The following RANBP2 variants were observed in gnomAD, a reference collection of about 807,000 sequenced individuals.
RANBP2 encodes RAN binding protein 2.
RANBP2 carries 57 observed loss-of-function variants against 303.6 expected under a neutral mutation model. The observed-to-expected ratio is 0.19, with a 90% confidence interval of 0.15 to 0.23. RANBP2 has a LOEUF of 0.23. Ranked by LOEUF, RANBP2 falls within the 10% of genes least tolerant of loss-of-function variation. The pLI is 1.00. For synonymous variants in RANBP2, 1,167 were observed against 1,301.5 expected (o/e 0.90, Z 2.23); for missense variants, 3,138 against 3,780.8 (o/e 0.83, Z 4.46).
chr2:108,770,842 C>T (rs1335810773), intron 20 of RANBP2, among the ~76,000 whole-genome samples: 1 of 152,092 alleles, frequency 6.6e-6, no homozygotes, highest in Non-Finnish European at 1.5e-5. Flanking sequence ...TTTACACTTA[C>T]TGTTAGCACG....
the RANBP2 span, among the ~76,000 whole-genome samples, chr2:109,410,799 G>A: frequency 2.0e-5 from 3 of 152,354 alleles, no homozygotes; most frequent in Admixed American, 1.3e-4. Context: ...GGGCTGCTAG[G>A]CGCGACTTCG....
At chr2:109,496,981 A>G in the RANBP2 span, among the ~76,000 whole-genome samples, 1 of 152,182 alleles carries the variant, frequency 6.6e-6, no homozygotes, top group African/African-American at 2.4e-5. Context: ...CAGAGAAGGG[A>G]TGAAGGCAGC....
At chr2:109,532,665 G>A in the RANBP2 span, among the ~76,000 whole-genome samples, 3 of 152,004 alleles carry the variant, frequency 2.0e-5, no homozygotes, top group African/African-American at 4.8e-5. Context: ...CAAAGGCCTC[G>A]GGAGAGAGAG....
the RANBP2 span, among the ~76,000 whole-genome samples, chr2:109,287,374 A>G: frequency 1.1e-4 from 17 of 152,152 alleles, no homozygotes; most frequent in South Asian, 2.1e-4. Context: ...AACCACAGCT[A>G]TAAATAAATT....
the RANBP2 span, among the ~76,000 whole-genome samples, chr2:108,839,971 C>T: frequency 6.6e-6 from 1 of 151,906 alleles, no homozygotes; most frequent in African/African-American, 2.4e-5. Context: ...ATTCATTCTG[C>T]CATTACTAAG....
At chr2:109,457,027 G>A in the RANBP2 span, among the ~76,000 whole-genome samples, 1 of 152,188 alleles carries the variant, frequency 6.6e-6, no homozygotes, top group Admixed American at 6.5e-5. Flanking sequence ...GCTGCCTAGT[G>A]TGAATCAATC....
At chr2:108,916,082 TG>T in the RANBP2 span, among the ~76,000 whole-genome samples, 11 of 152,174 alleles carry the variant, frequency 7.2e-5, no homozygotes, top group East Asian at 2.1e-3. Flanking sequence ...TTCTGTTTGC[TG>T]GGGGGTAGCC....
chr2:109,214,190 C>G, the RANBP2 span, among the ~76,000 whole-genome samples: 2 of 152,096 alleles, frequency 1.3e-5, no homozygotes, highest in Non-Finnish European at 2.9e-5. Flanking sequence ...AAGACGCAGA[C>G]TGGAAGTGAC....
the RANBP2 span, among the ~76,000 whole-genome samples, chr2:109,323,176 G>A: frequency 6.6e-6 from 1 of 152,206 alleles, no homozygotes; most frequent in Non-Finnish European, 1.5e-5. Context: ...GGTGGGAAGG[G>A]GAGGTGTGTA....
At chr2:109,006,914 TAATAA>T in the RANBP2 span, among the ~76,000 whole-genome samples, 12 of 152,230 alleles carry the variant, frequency 7.9e-5, no homozygotes, top group Admixed American at 5.9e-4. Context: ...CATTTTTAAA[TAATAA>T]AATAAATTTG....
At chr2:109,114,951 G>C in the RANBP2 span, among the ~76,000 whole-genome samples, 1 of 152,216 alleles carries the variant, frequency 6.6e-6, no homozygotes, top group Non-Finnish European at 1.5e-5. Flanking sequence ...TTTTGAGTGA[G>C]TTTCTTAACC....
At chr2:109,165,978 C>T in the RANBP2 span, among the ~76,000 whole-genome samples, 4 of 151,924 alleles carry the variant, frequency 2.6e-5, no homozygotes, top group Non-Finnish European at 5.9e-5. Flanking sequence ...CTTTTTTTCC[C>T]GCTGCTATTG....
chr2:108,838,562 A>G, the RANBP2 span, among the ~76,000 whole-genome samples: 1 of 152,148 alleles, frequency 6.6e-6, no homozygotes, highest in Non-Finnish European at 1.5e-5. Context: ...GCCTTAGAAT[A>G]TGTCTTTATG....
the RANBP2 span, among the ~76,000 whole-genome samples, chr2:109,381,449 G>A: frequency 2.5e-3 from 378 of 152,158 alleles, 1 homozygote; most frequent in Middle Eastern, 0.01. Flanking sequence ...CCAATCCTAC[G>A]GAGACAGAGT....
chr2:108,840,945 G>A, the RANBP2 span, among the ~76,000 whole-genome samples: 1 of 151,960 alleles, frequency 6.6e-6, no homozygotes, highest in Non-Finnish European at 1.5e-5. Context: ...CCAAGTAGCT[G>A]GGATTACAGA....
At chr2:109,712,534 C>T in the RANBP2 span, among the ~76,000 whole-genome samples, 5 of 152,272 alleles carry the variant, frequency 3.3e-5, no homozygotes, top group African/African-American at 9.6e-5. Context: ...TGGGTTCAAG[C>T]GATTCTCCTG....
At chr2:108,832,592 T>C in the RANBP2 span, among the ~76,000 whole-genome samples, 1 of 152,116 alleles carries the variant, frequency 6.6e-6, no homozygotes, top group Non-Finnish European at 1.5e-5. Context: ...AATTTGTATT[T>C]CCAACATGTT....
chr2:109,435,719 A>G, the RANBP2 span, among the ~76,000 whole-genome samples: 1 of 152,240 alleles, frequency 6.6e-6, no homozygotes, highest in Admixed American at 6.5e-5. Context: ...AGACTTGTCA[A>G]TATCACCTTG....
chr2:109,110,872 C>A, the RANBP2 span, among the ~76,000 whole-genome samples: 2,876 of 152,258 alleles, frequency 0.019, 73 homozygotes, highest in African/African-American at 0.05. Flanking sequence ...AGTCCTCTGG[C>A]TAGAAGCAGA....
Sources: gnomAD v4.1 joint callset for allele counts (sites outside exome capture counted in the v4.1 genomes callset) on GRCh38, gnomAD v4.1.1 for gene constraint, MANE v1.5 for transcripts, NCBI Gene and HGNC (gene_info 2026-07-23, HGNC 2026-07-21) for gene names.